The following GRM7 variants were observed in gnomAD, a reference collection of about 807,000 sequenced individuals.
GRM7 encodes the protein glutamate metabotropic receptor 7, also known as metabotropic glutamate receptor 7.
GRM7 carries 35 observed loss-of-function variants against 84.5 expected under a neutral mutation model. That is an observed-to-expected ratio of 0.41 (90% CI 0.32 to 0.55). The LOEUF is 0.55. Among genes scored for constraint, GRM7 ranks in the 20% least tolerant of loss-of-function variants. The probability of loss-of-function intolerance (pLI) is 0.19; values close to 1 mark genes in which losing one functional copy is unlikely to be tolerated. For synonymous variants in GRM7, 487 were observed against 455.1 expected, an observed-to-expected ratio of 1.07 and a Z score of -0.89; for missense variants, 1,003 against 1,194.6, an observed-to-expected ratio of 0.84 and a Z score of 2.36.
At chr3:7,473,774 T>C (rs1036103629) in intron 7 of GRM7, among the ~76,000 whole-genome samples, 1 of 152,168 alleles carries the variant, frequency 6.6e-6, no homozygotes, top group Non-Finnish European at 1.5e-5. Flanking sequence ...GATCAGTATT[T>C]CAGAAAAGGG....
intron 1 of GRM7, among the ~76,000 whole-genome samples, chr3:6,876,787 A>G (rs1353360812): frequency 1.3e-5 from 2 of 151,976 alleles, no homozygotes; most frequent in Non-Finnish European, 2.9e-5. Flanking sequence ...TTTTTAATAG[A>G]GACGGGGTTT....
chr3:7,284,141 CA>C (rs1480247166), intron 2 of GRM7, among the ~76,000 whole-genome samples: 1 of 152,078 alleles, frequency 6.6e-6, no homozygotes, highest in East Asian at 1.9e-4. Flanking sequence ...GAGAGAAACA[CA>C]CTAATTTTTC....
intron 2 of GRM7, among the ~76,000 whole-genome samples, chr3:7,187,766 A>G (rs894939370): frequency 1.4e-4 from 22 of 152,164 alleles, no homozygotes; most frequent in African/African-American, 4.8e-4. Context: ...AAAGGGCAGT[A>G]ACTCCGAAGT....
At chr3:7,663,815 ATAAACAGCCTT>A (rs1699566343) in intron 8 of GRM7, among the ~76,000 whole-genome samples, 1 of 152,232 alleles carries the variant, frequency 6.6e-6, no homozygotes, top group Admixed American at 6.5e-5. Context: ...ATAAGGATTT[ATAAACAGCCTT>A]TATACGAATT....
rs566979102 is a variant in GRM7 at position 6,972,281 on chromosome 3, C to T, written c.519+110374C>T. 3.3e-5 allele frequency among the ~76,000 whole-genome samples: 5 copies of T among 152,246 alleles called. No individual in the cohort carries two copies. The South Asian group carries it at 1.0e-3, about 32-fold the overall frequency. On this transcript the variant is annotated intron_variant, in intron 1 of 9. Coordinates refer to ENST00000357716, the MANE Select transcript of GRM7 (RefSeq NM_000844.4). ...TAAAAAAGACTCCTGTGAATTTTCT[C>T]TGAGTTAGATTTTGAATACATTGGC...
At chr3:7,688,879 T>C (rs1441479901) in intron 9 of GRM7, among the ~76,000 whole-genome samples, 1 of 152,188 alleles carries the variant, frequency 6.6e-6, no homozygotes, top group Non-Finnish European at 1.5e-5. Context: ...CTAAGCCTGG[T>C]TTGAAAATGC....
intron 1 of GRM7, among the ~76,000 whole-genome samples, chr3:7,108,250 G>A (rs905346191): frequency 3.9e-5 from 6 of 152,062 alleles, no homozygotes; most frequent in African/African-American, 1.4e-4. Context: ...ATCCATGTGA[G>A]GGAACTGTGT....
intron 2 of GRM7, among the ~76,000 whole-genome samples, chr3:7,185,321 G>A (rs543105046): frequency 4.6e-5 from 7 of 152,180 alleles, no homozygotes; most frequent in African/African-American, 1.7e-4. Context: ...AGAAGTGATG[G>A]GGTTTTTTTG....
At chr3:6,880,458 G>A (rs140725898) in intron 1 of GRM7, among the ~76,000 whole-genome samples, 156 of 152,220 alleles carry the variant, frequency 1.0e-3, no homozygotes, top group Admixed American at 1.8e-3. Context: ...ATGTCCTGGC[G>A]GGCTTTAGAA....
chr3:7,729,463 T>C (rs1174447940), intron 9 of GRM7, among the ~76,000 whole-genome samples: 4 of 152,212 alleles, frequency 2.6e-5, no homozygotes, highest in African/African-American at 9.6e-5. Flanking sequence ...GTACATGTGT[T>C]AGAGACGCTT....
intron 7 of GRM7, among the ~76,000 whole-genome samples, chr3:7,475,202 T>C (rs1248239381): frequency 6.6e-6 from 1 of 152,186 alleles, no homozygotes; most frequent in Non-Finnish European, 1.5e-5. Flanking sequence ...AAATGTGTTC[T>C]TGATTTATTG....
intron 4 of GRM7, among the ~76,000 whole-genome samples, chr3:7,386,150 G>A (rs1694778182): frequency 6.6e-6 from 1 of 152,172 alleles, no homozygotes; most frequent in South Asian, 2.1e-4. Context: ...AAAGGGGATA[G>A]CTCTTGTGTA....
rs1694750194 is a variant in GRM7 at position 6,861,437 on chromosome 3, C to G, written c.49C>G (p.Pro17Ala). Residue 17 changes from proline (P) to alanine (A), a missense_variant, in exon 1 of 10, where the codon CCC (proline) becomes GCC (alanine). By Grantham distance (27) the Pro-to-Ala change is conservative. This residue lies in a region of GRM7 where 93 missense variants were observed against 68.6 expected (regional missense o/e 1.36). Transcript: ENST00000357716. The surrounding 1 kb of genome is among the most constrained non-coding windows in gnomAD (Gnocchi z 6.4). The part of the protein sequence containing the change: ...LLRVLTLMKF[P>A]CCVLEVLLCA... ...CCGCGTCCTGACTTTGATGAAGTTC[C>G]CCTGCTGCGTGCTGGAGGTGCTCCT... 4 of 1,603,106 alleles carry G rather than the reference C, an allele frequency of 2.5e-6. No individual in the cohort carries two copies.
chr3:7,598,188 AAG>A (rs1696142465), intron 8 of GRM7, among the ~76,000 whole-genome samples: 1 of 152,222 alleles, frequency 6.6e-6, no homozygotes, highest in Non-Finnish European at 1.5e-5. Flanking sequence ...ATGAGGCAGT[AAG>A]AGATAAATCC....
intron 1 of GRM7, among the ~76,000 whole-genome samples, chr3:6,888,222 G>A (rs1322303511): frequency 2.0e-5 from 3 of 151,994 alleles, no homozygotes; most frequent in Non-Finnish European, 4.4e-5. Flanking sequence ...CTGTGCAGAA[G>A]CTCTTTAGTT....
chr3:7,170,021 C>T (rs1694931265), intron 2 of GRM7, among the ~76,000 whole-genome samples: 1 of 152,198 alleles, frequency 6.6e-6, no homozygotes. Flanking sequence ...GTTTGTGATT[C>T]AGTTAGTTTG....
At chr3:6,902,508 C>A (rs931596776) in intron 1 of GRM7, among the ~76,000 whole-genome samples, 12 of 152,094 alleles carry the variant, frequency 7.9e-5, no homozygotes, top group African/African-American at 2.9e-4. Flanking sequence ...ATAAGTTTAA[C>A]GTTTAGAACT....
intron 8 of GRM7, among the ~76,000 whole-genome samples, chr3:7,587,864 A>T (rs1001528847): frequency 6.6e-5 from 10 of 152,178 alleles, no homozygotes; most frequent in Non-Finnish European, 1.0e-4. Flanking sequence ...CAGAGCTGGC[A>T]GTCACCTATG....
chr3:6,931,447 G>A (rs56044118), intron 1 of GRM7, among the ~76,000 whole-genome samples: 11,111 of 152,128 alleles, frequency 0.073, 558 homozygotes, highest in Non-Finnish European at 0.11. Flanking sequence ...CTTCCATTAC[G>A]TGGCTGTAGA....
Sources: allele counts gnomAD v4.1 joint callset (sites outside exome capture counted in the v4.1 genomes callset), GRCh38; gene constraint gnomAD v4.1.1; regional missense constraint gnomAD v4.1.1; non-coding constraint Gnocchi (gnomAD v3.1); transcripts MANE v1.5; gene names NCBI Gene and HGNC (gene_info 2026-07-23, HGNC 2026-07-21).